The following SDK1 variants were observed in gnomAD, a reference collection of about 807,000 sequenced individuals.
SDK1 encodes sidekick cell adhesion molecule 1.
A neutral mutation model predicts 245.5 loss-of-function variants in SDK1; 157 were observed. The ratio of observed to expected loss-of-function variants is 0.64; its 90% CI spans 0.56 to 0.73. The LOEUF is 0.73. SDK1 is among the 30% of genes least tolerant of loss of function. The pLI, the probability that SDK1 is intolerant of heterozygous loss-of-function variation, is 0.00. For missense variants in SDK1, 3,583 were observed against 3,002.3 expected, an observed-to-expected ratio of 1.19 and a Z score of -4.52; for synonymous variants, 1,647 against 1,278.5, an observed-to-expected ratio of 1.29 and a Z score of -6.15.
chr7:4,193,372 T>TTATATATATATA lies in SDK1; in HGVS notation c.5099-12492_5099-12481dup, dbSNP rs10536828. ...AATATATTTATATATATTAAAATAT[T>TTATATATATATA]TATATATATATATATATATATATAT... On this transcript the variant is annotated intron_variant, in intron 35 of 44. Transcript: ENST00000404826. Among the ~76,000 whole-genome samples, 521 of 103,004 alleles carry TTATATATATATA rather than the reference T, an allele frequency of 5.1e-3. 6 individuals are homozygous for TTATATATATATA. The highest frequency in any genetic ancestry group is 0.019 in the African/African-American group (499 of 25,616). 67.6% of individuals were successfully genotyped at this position (103,004 alleles called of 152,430 possible). A position where few individuals can be genotyped will look rare whatever the true frequency, so the allele number is the denominator to read the frequency against.
chr7:3,427,224 T>C (rs886474336), intron 1 of SDK1, among the ~76,000 whole-genome samples: 1 of 152,176 alleles, frequency 6.6e-6, no homozygotes, highest in African/African-American at 2.4e-5. Context: ...TGATGTAGTA[T>C]ACTGTAATGT....
chr7:3,536,223 A>ATTTTTTT (rs1204324690), intron 1 of SDK1, among the ~76,000 whole-genome samples: 1 of 136,608 alleles, frequency 7.3e-6, no homozygotes, highest in African/African-American at 2.7e-5. Flanking sequence ...CACCCAGCTA[A>ATTTTTTT]TTTTTTTTTT....
intron 4 of SDK1, among the ~76,000 whole-genome samples, chr7:3,718,422 C>T (rs985931191): frequency 1.8e-4 from 28 of 151,830 alleles, no homozygotes; most frequent in African/African-American, 6.5e-4. Context: ...GTGGGAGGAT[C>T]GCTTGAGCCC....
chr7:3,439,938 T>G (rs17840351), intron 1 of SDK1, among the ~76,000 whole-genome samples: 1 of 152,054 alleles, frequency 6.6e-6, no homozygotes, highest in Non-Finnish European at 1.5e-5. Flanking sequence ...GCTGGACTTT[T>G]TTTTTAAGTT....
At chr7:3,605,434 C>T (rs981216010) in intron 1 of SDK1, among the ~76,000 whole-genome samples, 9 of 152,190 alleles carry the variant, frequency 5.9e-5, no homozygotes, top group African/African-American at 2.2e-4. Flanking sequence ...TGAGTCTCAT[C>T]TACTTCATTG....
intron 1 of SDK1, among the ~76,000 whole-genome samples, chr7:3,382,038 A>G (rs781651827): frequency 2.6e-5 from 4 of 152,214 alleles, no homozygotes; most frequent in South Asian, 2.1e-4. Context: ...GTCTCAGTCA[A>G]AAAGCTAAAC....
intron 5 of SDK1, among the ~76,000 whole-genome samples, chr7:3,930,923 T>G (rs1178422238): frequency 6.6e-6 from 1 of 152,256 alleles, no homozygotes; most frequent in Non-Finnish European, 1.5e-5. Context: ...TAGAACATCT[T>G]ATCTATAGCC....
intron 22 of SDK1, among the ~76,000 whole-genome samples, chr7:4,087,149 T>G (rs1781474986): frequency 6.6e-6 from 1 of 152,210 alleles, no homozygotes; most frequent in South Asian, 2.1e-4. Flanking sequence ...CAACCAATTT[T>G]CTGGTTTCAT....
At chr7:3,821,628 C>A in intron 5 of SDK1, 45 bp downstream of exon 5, 1 of 1,601,340 alleles carries the variant, frequency 6.2e-7, no homozygotes, top group Middle Eastern at 1.7e-4. Flanking sequence ...GCAATAAAAT[C>A]TTGCTTTAAT....
intron 1 of SDK1, among the ~76,000 whole-genome samples, chr7:3,364,756 C>G (rs1781045011): frequency 1.3e-5 from 2 of 151,982 alleles, no homozygotes; most frequent in Admixed American, 1.3e-4. Flanking sequence ...TCTGGTTATT[C>G]TAGTTCCTTT....
At chr7:3,327,877 T>C (rs1198562371) in intron 1 of SDK1, among the ~76,000 whole-genome samples, 1 of 152,186 alleles carries the variant, frequency 6.6e-6, no homozygotes, top group Non-Finnish European at 1.5e-5. Flanking sequence ...TTAACACTTC[T>C]GGCACAGAGG....
chr7:3,436,484 G>C (rs907929473), intron 1 of SDK1, among the ~76,000 whole-genome samples: 2 of 151,970 alleles, frequency 1.3e-5, no homozygotes, highest in African/African-American at 4.8e-5. Context: ...TTTAATGTTT[G>C]CAAACCTGAA....
At chr7:3,687,638 C>G (rs552577240) in intron 4 of SDK1, among the ~76,000 whole-genome samples, 3 of 152,122 alleles carry the variant, frequency 2.0e-5, no homozygotes, top group Non-Finnish European at 2.9e-5. Flanking sequence ...GCATATGGTA[C>G]GGCTCCATTT....
intron 1 of SDK1, among the ~76,000 whole-genome samples, chr7:3,393,696 T>G (rs1285489272): frequency 2.0e-5 from 3 of 152,196 alleles, no homozygotes; most frequent in African/African-American, 7.2e-5. Flanking sequence ...GCTTGATTCT[T>G]TTTAATTATT....
chr7:4,263,339 C>T (rs1368945152), intron 44 of SDK1, among the ~76,000 whole-genome samples: 2 of 151,276 alleles, frequency 1.3e-5, no homozygotes, highest in Non-Finnish European at 2.9e-5. Flanking sequence ...CAGGCAGAGT[C>T]CCCTGGGGCC....
At chr7:3,875,319 C>T (rs113778583) in intron 5 of SDK1, among the ~76,000 whole-genome samples, 2 of 152,216 alleles carry the variant, frequency 1.3e-5, no homozygotes, top group Non-Finnish European at 2.9e-5. Context: ...CTTTCCAGCT[C>T]TCTACCTCTA....
At chr7:3,824,162 C>T (rs994115143) in intron 5 of SDK1, among the ~76,000 whole-genome samples, 16 of 152,078 alleles carry the variant, frequency 1.1e-4, no homozygotes, top group African/African-American at 3.6e-4. Context: ...GGATGCGTCT[C>T]TTCACCAGAT....
intron 4 of SDK1, among the ~76,000 whole-genome samples, chr7:3,680,428 A>T (rs1375705587): frequency 6.6e-6 from 1 of 152,274 alleles, no homozygotes. Flanking sequence ...GCACGTGATA[A>T]AACTGCATAA....
chr7:3,586,490 G>A (rs991178369), intron 1 of SDK1, among the ~76,000 whole-genome samples: 4 of 151,274 alleles, frequency 2.6e-5, no homozygotes, highest in Non-Finnish European at 5.9e-5. Flanking sequence ...GAGGTCAGGA[G>A]ATCGAGACCA....
Sources: allele counts gnomAD v4.1 joint callset (sites outside exome capture counted in the v4.1 genomes callset), GRCh38; gene constraint gnomAD v4.1.1; transcripts MANE v1.5; gene names NCBI Gene and HGNC (gene_info 2026-07-23, HGNC 2026-07-21).